Variants in WLS observed in about 807,000 individuals in gnomAD.
WLS encodes the protein Wnt ligand secretion mediator.
WLS carries 23 observed loss-of-function variants against 62.8 expected under a neutral mutation model. The ratio of observed to expected loss-of-function variants is 0.37; its 90% confidence interval spans 0.26 to 0.52. WLS has a LOEUF of 0.52. WLS is among the 20% of genes least tolerant of loss of function. The pLI is 0.92. For missense variants in WLS, 615 were observed against 697.3 expected (o/e 0.88, Z 1.33); for synonymous variants, 246 against 244.1 (o/e 1.01, Z -0.07).
At chr1:68,191,628 G>A (rs933616447) in intron 2 of WLS, among the ~76,000 whole-genome samples, 4 of 152,110 alleles carry the variant, frequency 2.6e-5, no homozygotes, top group Non-Finnish European at 5.9e-5. Flanking sequence ...GTGTTCGTAT[G>A]GCTGGGACTT....
chr1:68,157,444 A>G (rs776679336), intron 3 of WLS, among the ~76,000 whole-genome samples: 1 of 152,152 alleles, frequency 6.6e-6, no homozygotes, highest in South Asian at 2.1e-4. Flanking sequence ...TTCATGCACT[A>G]AAGTCCTGCC....
intron 2 of WLS, chr1:68,183,531 T>C (rs375008034): frequency 1.1e-5 from 6 of 533,456 alleles, no homozygotes; most frequent in Non-Finnish European, 2.3e-5. Context: ...TCACAATTCT[T>C]GTTGAAGGCC....
Position 68,107,921 on chromosome 1 carries a change from CAGG to C in WLS, c.1511-9171_1511-9169del, listed in dbSNP as rs562213602. On this transcript the variant is annotated intron_variant, in intron 11 of 11. Coordinates refer to the WLS transcript ENST00000354777. ...AAGAGAAGCACACTCCCCAGTGTGG[CAGG>C]AGGCCAGTTCTAGAGCCTTCCAGAC... is the stretch of plus-strand genomic sequence containing the variant. 3.4e-3 allele frequency among the ~76,000 whole-genome samples: 514 copies of C among 152,214 alleles called. 2 individuals are homozygous for C. The highest frequency in any genetic ancestry group is 0.012 in the African/African-American group (497 of 41,522).
At chr1:68,150,517 T>C (rs1646811994) in intron 5 of WLS, among the ~76,000 whole-genome samples, 161 bp from the exon 6 acceptor site, 1 of 152,244 alleles carries the variant, frequency 6.6e-6, no homozygotes, top group South Asian at 2.1e-4. Flanking sequence ...TCCTATGTAG[T>C]TGGCACTGCT....
At chr1:68,186,869 T>G (rs1647977691) in intron 2 of WLS, among the ~76,000 whole-genome samples, 1 of 151,910 alleles carries the variant, frequency 6.6e-6, no homozygotes, top group Non-Finnish European at 1.5e-5. Context: ...GAGGATAAAT[T>G]TAAGGAAATG....
intron 1 of WLS, among the ~76,000 whole-genome samples, chr1:68,206,504 G>A (rs958800613): frequency 2.6e-5 from 4 of 152,212 alleles, no homozygotes; most frequent in Admixed American, 2.0e-4. Context: ...TTTGAGCACC[G>A]GGTAGGGATG....
intron 10 of WLS, among the ~76,000 whole-genome samples, chr1:68,140,109 C>T (rs1646665642): frequency 6.6e-6 from 1 of 152,160 alleles, no homozygotes. Flanking sequence ...ACATGAAACA[C>T]ATTATTTAGT....
At chr1:68,229,706 A>G (rs1404849018) in intron 1 of WLS, among the ~76,000 whole-genome samples, 1 of 145,676 alleles carries the variant, frequency 6.9e-6, no homozygotes. Context: ...CAAATTTTAG[A>G]TTTAAGAGCA....
At chr1:68,116,401 G>A (rs1003655829) in intron 11 of WLS, among the ~76,000 whole-genome samples, 7 of 152,264 alleles carry the variant, frequency 4.6e-5, no homozygotes, top group Admixed American at 2.0e-4. Context: ...TAATGGCTCC[G>A]TCTATACAAA....
chr1:68,228,783 T>C (rs190056277), intron 1 of WLS, among the ~76,000 whole-genome samples: 12 of 144,238 alleles, frequency 8.3e-5, no homozygotes, highest in Admixed American at 2.2e-4. Context: ...ATGTAAGATG[T>C]TGCTTTCAGA....
At chr1:68,139,942 A>G (rs2100431073) in intron 10 of WLS, among the ~76,000 whole-genome samples, 1 of 152,374 alleles carries the variant, frequency 6.6e-6, no homozygotes, top group African/African-American at 2.4e-5. Context: ...ATGTGTGACA[A>G]GTGTTATTCA....
chr1:68,185,564 A>G (rs947674339), intron 2 of WLS, among the ~76,000 whole-genome samples: 2 of 152,134 alleles, frequency 1.3e-5, no homozygotes, highest in African/African-American at 4.8e-5. Context: ...TGGGAACCCT[A>G]TTGTGAAGTA....
intron 11 of WLS, among the ~76,000 whole-genome samples, chr1:68,126,802 A>T (rs1487964010): frequency 1.3e-5 from 2 of 152,162 alleles, no homozygotes; most frequent in Non-Finnish European, 2.9e-5. Context: ...GCAAAGGAAC[A>T]TCTGATGCCA....
At chr1:68,208,809 T>C (rs965873843) in intron 1 of WLS, among the ~76,000 whole-genome samples, 2 of 152,128 alleles carry the variant, frequency 1.3e-5, no homozygotes, top group African/African-American at 2.4e-5. Flanking sequence ...ATTGAAAGGA[T>C]TGATGTCTTA....
rs374549458 is a variant in WLS at position 68,116,397 on chromosome 1, C to T, written c.1511-17644G>A. The stretch of plus-strand genomic sequence containing the variant: ...TTTTTGCTTTTCCATCTAATAATGG[C>T]TCCGTCTATACAAAATTTTGGGCAG... On this transcript the variant is annotated intron_variant, in intron 11 of 11. Coordinates refer to the WLS transcript ENST00000354777. 5.3e-5 allele frequency among the ~76,000 whole-genome samples: 8 copies of T among 152,210 alleles called. No individual in the cohort carries two copies. The East Asian group carries it at 7.7e-4, about 15-fold the overall frequency.
chr1:68,144,230 G>A (rs1646723728), intron 10 of WLS, among the ~76,000 whole-genome samples: 1 of 152,216 alleles, frequency 6.6e-6, no homozygotes, highest in African/African-American at 2.4e-5. Context: ...AAGGATCTAT[G>A]TTAATGCTAG....
chr1:68,184,462 T>C (rs1476003061), intron 2 of WLS, among the ~76,000 whole-genome samples: 1 of 152,242 alleles, frequency 6.6e-6, no homozygotes, highest in East Asian at 1.9e-4. Context: ...CACTCTAGAA[T>C]ATATTTTCAA....
At chr1:68,217,438 C>A (rs1649774009) in intron 1 of WLS, among the ~76,000 whole-genome samples, 2 of 152,156 alleles carry the variant, frequency 1.3e-5, no homozygotes, top group Non-Finnish European at 1.5e-5. Context: ...GAGGAATAAA[C>A]AAGCTAATTT....
chr1:68,129,192 C>T (rs151119529), intron 11 of WLS, among the ~76,000 whole-genome samples: 17 of 152,156 alleles, frequency 1.1e-4, no homozygotes, highest in East Asian at 9.7e-4. Flanking sequence ...GGTGTGGTGG[C>T]GCATGCCTGT....
Sources: gnomAD v4.1 joint callset for allele counts (sites outside exome capture counted in the v4.1 genomes callset) on GRCh38, gnomAD v4.1.1 for gene constraint, MANE v1.5 for transcripts, NCBI Gene and HGNC (gene_info 2026-07-23, HGNC 2026-07-21) for gene names.